Variants in GMIP observed in about 807,000 individuals in gnomAD.
The protein encoded by GMIP is GEM interacting protein.
Under a neutral mutation model 105.3 loss-of-function variants are expected in GMIP, and 54 were observed. That is an observed-to-expected ratio of 0.51 (90% CI 0.41 to 0.64). The LOEUF (loss-of-function observed/expected upper bound fraction) is 0.64, where lower values mean the gene tolerates loss of function less well. GMIP is among the 30% of genes least tolerant of loss of function. The pLI, the probability that GMIP is intolerant of heterozygous loss-of-function variation, is 0.00. For synonymous variants in GMIP, 541 were observed against 560.8 expected (o/e 0.96, Z 0.50); for missense variants, 1,110 against 1,319.4 (o/e 0.84, Z 2.46).
At chr19:19,640,696 G>A (rs962025639) in intron 4 of GMIP, 125 bp from the exon 5 acceptor site, 1 of 842,948 alleles carries the variant, frequency 1.2e-6, no homozygotes, top group Non-Finnish European at 1.9e-6. Flanking sequence ...CACTACTTTG[G>A]GATCACTTGT....
intron 7 of GMIP, 67 bp from the exon 8 acceptor site, chr19:19,638,549 C>T: frequency 7.7e-7 from 1 of 1,303,004 alleles, no homozygotes; most frequent in Non-Finnish European, 1.1e-6. Flanking sequence ...GCCACCCAGT[C>T]CTTCCATTCC....
Position 19,630,241 on chromosome 19 carries a change from G to C in GMIP, c.2635C>G (p.Pro879Ala). The C allele has an allele frequency of 6.3e-7, 1 of 1,581,548 alleles. No homozygotes were observed. Among genetic ancestry groups the C allele is most frequent in the Admixed American group, 1.8e-5 (1 of 56,480 alleles). ...AGACTGGACAGCTGGTGGGTTACAGGCCTCACACCGCCCCGGGGATACTTC... is the reference window on the plus strand; with the variant it reads ...AGACTGGACAGCTGGTGGGTTACAGCCCTCACACCGCCCCGGGGATACTTC... Reference protein sequence around the residue: ...PVKYPRGGVRPVTHQLSSLAL... With the variant: ...PVKYPRGGVRAVTHQLSSLAL... The change falls in exon 21 of 21, where the codon CCT becomes GCT. Residue 879 changes from proline to alanine, a missense_variant. Coordinates refer to ENST00000203556, the MANE Select transcript of GMIP (RefSeq NM_016573.4). This position sits in a 1 kb window ranked among gnomAD's most constrained non-coding sequence, Gnocchi z 4.8.
Position 19,638,334 on chromosome 19 carries a change from G to C in GMIP, c.619-5C>G. The C allele has an allele frequency of 6.2e-7, 1 of 1,614,034 alleles. No homozygotes were observed. The highest frequency in any genetic ancestry group is 8.5e-7 in the Non-Finnish European group (1 of 1,180,030). ...CAGTGCCTGCACCGCCTCATTCTGG[G>C]GGATGATGAGAAGGTCAGCGTCCCG... On this transcript the variant is annotated splice_region_variant and splice_polypyrimidine_tract_variant and intron_variant, in intron 8 of 20. Coordinates refer to ENST00000203556, the MANE Select transcript of GMIP (RefSeq NM_016573.4).
Position 19,630,098 on chromosome 19 carries a change from G to A in GMIP, c.2778C>T (p.Arg926=). Reference sequence around the variant, plus strand: ...CAAAATGCTTGGGCAGCGGGGTGCGGCGCAGGGGGCTGCCCTCAGGGGAGG... The same window carrying A: ...CAAAATGCTTGGGCAGCGGGGTGCGACGCAGGGGGCTGCCCTCAGGGGAGG... ...AAASPEGSPL[R]RTPLPKHFEI... Residue 926 remains arginine, a synonymous_variant, in exon 21 of 21, where the codon CGC becomes CGT. Coordinates refer to ENST00000203556, the MANE Select transcript of GMIP (RefSeq NM_016573.4). The surrounding 1 kb of genome is among the most constrained non-coding windows in gnomAD (Gnocchi z 4.8). 2 of 1,610,616 alleles carry A rather than the reference G, an allele frequency of 1.2e-6. No individual in the cohort carries two copies. Among genetic ancestry groups the A allele is most frequent in the South Asian group, 2.2e-5 (2 of 90,672 alleles).
In GMIP at chr19:19,630,641, C is replaced by T; in HGVS notation, c.2473-104G>A. ...TTCCTGGACATGCAAAAGGAATAGC[C>T]AGTGCAAAGGCCCTGAGGTAGGAGC... On this transcript the variant is annotated intron_variant, in intron 19 of 20. Coordinates refer to ENST00000203556, the MANE Select transcript of GMIP (RefSeq NM_016573.4). The surrounding 1 kb of genome is among the most constrained non-coding windows in gnomAD (Gnocchi z 4.8). 2 of 979,276 alleles carry T rather than the reference C, an allele frequency of 2.0e-6. No homozygotes were observed. The highest frequency in any genetic ancestry group is 1.8e-5 in the Admixed American group (1 of 54,444). 60.7% of individuals were successfully genotyped at this position (979,276 alleles called of 1,614,324 possible).
Position 19,640,136 on chromosome 19 carries a change from C to T in GMIP, c.486G>A (p.Leu162=), listed in dbSNP as rs577412218. 109 of 1,613,908 alleles carry T rather than the reference C, an allele frequency of 6.8e-5. 1 individual carries two copies. In the South Asian group the frequency reaches 1.1e-3, roughly 16 times the overall value. Residue 162 remains leucine, a synonymous_variant, in exon 7 of 21, where the codon CTG becomes CTA. Transcript: ENST00000203556. The stretch of plus-strand genomic sequence containing the variant: ...CCACTGTCTCCATGGCCAGGGTTCC[C>T]AGGCTGAGATCGTGCTCCAGAAACA... ...YTLFLEHDLS[L]GTLAMETVAQ...
intron 19 of GMIP, among the ~76,000 whole-genome samples, chr19:19,632,527 T>C (rs1027659282): frequency 4.6e-5 from 7 of 152,112 alleles, no homozygotes; most frequent in African/African-American, 1.7e-4. Context: ...AGTGAGATTC[T>C]GTCTCCAAAA....
chr19:19,634,924 A>C lies in GMIP; in HGVS notation c.1755T>G (p.Ile585Met). ...GGACCCGGGACCCGCTGACCCGGTA[A>C]ATGCCCTGCAGGGTGAGGGTGAAAA... ...IEHRALDVQG[I>M]YRVSGSRVRV... is the part of the protein sequence containing the mutation. The change falls in exon 17 of 21, where the codon ATT (isoleucine) becomes ATG (methionine). Residue 585 changes from isoleucine (I) to methionine (M), a missense_variant. Ile to Met is a conservative substitution (Grantham distance 10). Around this residue, in one of 3 missense-constraint regions of GMIP, gnomAD observed 49 missense variants for 95.6 expected, o/e 0.51. Coordinates refer to ENST00000203556, the MANE Select transcript of GMIP (RefSeq NM_016573.4). The surrounding 1 kb of genome is among the most constrained non-coding windows in gnomAD (Gnocchi z 6.1). The C allele has an allele frequency of 6.2e-7, 1 of 1,613,980 alleles. No homozygotes were observed. Among genetic ancestry groups the C allele is most frequent in the Non-Finnish European group, 8.5e-7 (1 of 1,180,012 alleles).
At chr19:19,642,105 A>G (rs956762052) in intron 2 of GMIP, 54 bp from the exon 3 acceptor site, 1 of 1,253,570 alleles carries the variant, frequency 8.0e-7, no homozygotes, top group Non-Finnish European at 1.2e-6. Context: ...TGTCCTGCCA[A>G]GGGGTGCTGG....
rs375002338 is a variant in GMIP at position 19,632,085 on chromosome 19, G to A, written c.2473-1548C>T. 3.0e-4 allele frequency among the ~76,000 whole-genome samples: 45 copies of A among 151,634 alleles called. 1 individual carries two copies. In the South Asian group the frequency reaches 9.4e-3, roughly 32 times the overall value. ...GAGGGCGGATCGCCTGAGGTCAGGA[G>A]TTTGAGACCAGCCTGACCAACATGG... On this transcript the variant is annotated intron_variant, in intron 19 of 20. Coordinates refer to ENST00000203556, the MANE Select transcript of GMIP (RefSeq NM_016573.4).
At position 19,634,502 on chromosome 19, in the gene GMIP, C is replaced by T. The variant is rs779985636; in HGVS notation, c.2084+5G>A. ...GCGTTTCAAGGCTCAGGGACCCATG[C>T]ACACCTGAACAGATGGGCCACCAGG... is the stretch of plus-strand genomic sequence containing the variant. On this transcript the variant is annotated splice_donor_5th_base_variant and intron_variant, in intron 18 of 20. Coordinates refer to ENST00000203556, the MANE Select transcript of GMIP (RefSeq NM_016573.4). The surrounding 1 kb of genome is among the most constrained non-coding windows in gnomAD (Gnocchi z 6.1). The T allele has an allele frequency of 1.2e-6, 2 of 1,601,920 alleles. No individual in the cohort carries two copies. Among genetic ancestry groups the T allele is most frequent in the African/African-American group, 1.3e-5 (1 of 74,158 alleles).
Position 19,634,319 on chromosome 19 carries a change from A to G in GMIP, c.2085-129T>C, listed in dbSNP as rs1438808965. 9.4e-7 allele frequency: 1 copy of G among 1,066,470 alleles called. No individual in the cohort carries two copies. Among genetic ancestry groups the G allele is most frequent in the Non-Finnish European group, 1.3e-6 (1 of 749,952 alleles). The allele number at this position is 1,066,470 out of a possible 1,614,324, so 66.1% of individuals were successfully genotyped here. A position where few individuals can be genotyped will look rare whatever the true frequency, so the allele number is the denominator to read the frequency against. On this transcript the variant is annotated intron_variant, in intron 18 of 20. Transcript: ENST00000203556. This position sits in a 1 kb window ranked among gnomAD's most constrained non-coding sequence, Gnocchi z 6.1. ...TCACAGGTGTAAGTCGTCTGAGACC[A>G]GCAGCCACATATCCAGAACTGGAGG...
rs747421097 is a variant in GMIP, at chr19:19,637,974, T to C, written c.873A>G (p.Arg291=). 2.5e-6 allele frequency: 4 copies of C among 1,611,140 alleles called. No homozygotes were observed. Among genetic ancestry groups the C allele is most frequent in the Admixed American group, 1.7e-5 (1 of 59,866 alleles). ...RQQDLEIAKQ[R]IVSHVRKLVF... is the part of the protein sequence containing the mutation. ...CCAGCTTGCGCACGTGCGACACGAT[T>C]CGCTGCTTGGCGATCTCCAGGTCCT... is the stretch of plus-strand genomic sequence containing the variant. Residue 291 remains arginine, a synonymous_variant, in exon 10 of 21, where the codon CGA becomes CGG. Transcript: ENST00000203556. The surrounding 1 kb of genome is among the most constrained non-coding windows in gnomAD (Gnocchi z 6.7).
Position 19,630,086 on chromosome 19 carries a change from C to G in GMIP, c.2790G>C (p.Leu930=). The change falls in exon 21 of 21, where the codon CTG becomes CTC. Residue 930 remains leucine, a synonymous_variant. Transcript: ENST00000203556. This position sits in a 1 kb window ranked among gnomAD's most constrained non-coding sequence, Gnocchi z 4.8. The stretch of plus-strand genomic sequence containing the variant: ...CCTGGGTAATCTCAAAATGCTTGGG[C>G]AGCGGGGTGCGGCGCAGGGGGCTGC... ...PEGSPLRRTP[L]PKHFEITQET... 6.2e-7 allele frequency: 1 copy of G among 1,610,572 alleles called. No individual in the cohort carries two copies. Among genetic ancestry groups the G allele is most frequent in the Non-Finnish European group, 8.5e-7 (1 of 1,178,634 alleles).
intron 2 of GMIP, 78 bp from the exon 3 acceptor site, chr19:19,642,129 G>T: frequency 1.1e-6 from 1 of 878,260 alleles, no homozygotes. Context: ...CCTTAGGGTT[G>T]TTTGTGGCAA....
chr19:19,642,729 A>C, intron 1 of GMIP, 110 bp from the exon 2 acceptor site: 1 of 537,642 alleles, frequency 1.9e-6, no homozygotes, highest in Non-Finnish European at 3.4e-6. Flanking sequence ...AGTGAGAGAG[A>C]GAAAGAGAGG....
In GMIP at chr19:19,629,828, C is replaced by T. The variant is rs564990553; in HGVS notation, c.*135G>A. ...TAGGTCATGTATTAAATAGTTTTTC[C>T]TTATAGGAACCCTCTGGACCTCTCC... On this transcript the variant is annotated 3_prime_UTR_variant, in exon 21 of 21. Transcript: ENST00000203556. 32 of 872,830 alleles carry T rather than the reference C, an allele frequency of 3.7e-5. No individual in the cohort carries two copies. In the African/African-American group the frequency reaches 4.9e-4, roughly 13 times the overall value. 54.1% of individuals were successfully genotyped at this position (872,830 alleles called of 1,614,324 possible).
At chr19:19,632,541 A>C (rs986238378) in intron 19 of GMIP, among the ~76,000 whole-genome samples, 2 of 152,210 alleles carry the variant, frequency 1.3e-5, no homozygotes, top group African/African-American at 4.8e-5. Context: ...TCCAAAAAAA[A>C]ATAAAAGATT....
chr19:19,636,931 C>A lies in GMIP; in HGVS notation c.1223G>T (p.Gly408Val), dbSNP rs1275141229. The change falls in exon 12 of 21, where the codon GGC becomes GTC. Residue 408 changes from glycine to valine, a missense_variant. This residue lies in a region of GMIP where 667 missense variants were observed against 773.2 expected (regional missense o/e 0.86). Coordinates refer to ENST00000203556, the MANE Select transcript of GMIP (RefSeq NM_016573.4). ...ATTGCACTCACCTTGCCAGCGCCAG[C>A]CTGTGCCCGGATCCTCCCAAGGGCC... ...EPGPWEDPGTGWRWQGTPGPT... is the reference protein window; with the variant it reads ...EPGPWEDPGTVWRWQGTPGPT... The A allele has an allele frequency of 5.1e-6, 8 of 1,580,002 alleles. No individual in the cohort carries two copies. The highest frequency in any genetic ancestry group is 6.9e-6 in the Non-Finnish European group (8 of 1,162,130).
Sources: allele counts gnomAD v4.1 joint callset (sites outside exome capture counted in the v4.1 genomes callset), GRCh38; gene constraint gnomAD v4.1.1; regional missense constraint gnomAD v4.1.1; non-coding constraint Gnocchi (gnomAD v3.1); transcripts MANE v1.5; gene names NCBI Gene and HGNC (gene_info 2026-07-23, HGNC 2026-07-21).